Variants in LRRC15 observed in about 807,000 individuals in gnomAD.
LRRC15 encodes the protein leucine rich repeat containing 15.
Under a neutral mutation model 4.3 loss-of-function variants are expected in LRRC15, and 5 were observed. The observed-to-expected ratio is 1.16, with a 90% CI of 0.61 to 2.44. The LOEUF (loss-of-function observed/expected upper bound fraction) is 2.44, where lower values mean the gene tolerates loss of function less well. Ranked by LOEUF, LRRC15 falls within the 30% of genes most tolerant of loss-of-function variation. LRRC15 has a pLI of 0.01. For missense variants in LRRC15, 769 were observed against 747.0 expected (o/e 1.03, Z -0.34); for synonymous variants, 337 against 323.2 (o/e 1.04, Z -0.46).
intron 1 of LRRC15, among the ~76,000 whole-genome samples, chr3:194,362,510 A>G (rs1228917438): frequency 2.6e-5 from 4 of 152,160 alleles, no homozygotes; most frequent in Non-Finnish European, 5.9e-5. Flanking sequence ...CGCAACTTCC[A>G]CCAAAGGTTC....
intron 1 of LRRC15, among the ~76,000 whole-genome samples, chr3:194,366,197 CA>C (rs1227729092): frequency 6.6e-6 from 1 of 152,228 alleles, no homozygotes; most frequent in African/African-American, 2.4e-5. Context: ...CTCCCCATCT[CA>C]CCAAACATCC....
At chr3:194,363,742 A>G (rs1321379601) in intron 1 of LRRC15, among the ~76,000 whole-genome samples, 1 of 152,228 alleles carries the variant, frequency 6.6e-6, no homozygotes, top group Non-Finnish European at 1.5e-5. Flanking sequence ...GACTTCCTAA[A>G]GAATTCTAGA....
At position 194,360,527 on chromosome 3, in the gene LRRC15, C is replaced by T. The variant is rs1160229948; in HGVS notation, c.517G>A (p.Val173Ile). ...CCCAGATTGAGCTTCGTGAGTCCTA[C>T]CAGGTGGTCGAAGGCTCCGTCAGGG... is the stretch of plus-strand genomic sequence containing the variant. ...YIPDGAFDHL[V>I]GLTKLNLGKN... Residue 173 changes from valine to isoleucine, a missense_variant, in exon 2 of 2, where the codon GTA becomes ATA. Val to Ile is a conservative substitution (Grantham distance 29). Transcript: ENST00000347624. The T allele has an allele frequency of 1.2e-6, 2 of 1,613,960 alleles. No individual in the cohort carries two copies. Among genetic ancestry groups the T allele is most frequent in the Non-Finnish European group, 1.7e-6 (2 of 1,180,008 alleles).
rs186567237 is a variant in LRRC15, at chr3:194,368,243, G to T, written c.-4+1418C>A. On this transcript the variant is annotated intron_variant, in intron 1 of 1. Transcript: ENST00000347624. Reference sequence around the variant, plus strand: ...ATGTGTGATCACAGTCTGCTTACTGGCAGGACTGAGTCGGGACAGCTCCTC... The same window carrying T: ...ATGTGTGATCACAGTCTGCTTACTGTCAGGACTGAGTCGGGACAGCTCCTC... Among the ~76,000 whole-genome samples the T allele has an allele frequency of 3.6e-4, 55 of 152,278 alleles. No homozygotes were observed. The East Asian group carries it at 0.01, about 28-fold the overall frequency.
rs1371503926 is a variant in LRRC15, at chr3:194,357,931, C to A, written c.*1367G>T. ...TAGAAGGCTCCAGGCGGAGGGGCCT[C>A]CGATGAGCCGCAGACAGCTTGCTGG... is the stretch of plus-strand genomic sequence containing the variant. On this transcript the variant is annotated 3_prime_UTR_variant, in exon 2 of 2. Transcript: ENST00000347624. The A allele has an allele frequency of 6.6e-6, 1 of 152,262 alleles. No homozygotes were observed. Among genetic ancestry groups the A allele is most frequent in the Non-Finnish European group, 1.5e-5 (1 of 68,046 alleles). 9.4% of individuals were successfully genotyped at this position (152,262 alleles called of 1,614,324 possible).
rs1426335397 is a variant in LRRC15, at chr3:194,355,531, C to T, written c.*3767G>A. ...AACCTGGGGCGGAAGGAGTTTTCCCCGGAAGTGGCTTGCCAGCCCACCCTC... is the reference window on the plus strand; with the variant it reads ...AACCTGGGGCGGAAGGAGTTTTCCCTGGAAGTGGCTTGCCAGCCCACCCTC... On this transcript the variant is annotated 3_prime_UTR_variant, in exon 2 of 2. Coordinates refer to ENST00000347624, the MANE Select transcript of LRRC15 (RefSeq NM_130830.5). The T allele has an allele frequency of 2.0e-5, 3 of 152,388 alleles. No individual in the cohort carries two copies. The highest frequency in any genetic ancestry group is 6.5e-5 in the Admixed American group (1 of 15,308). The allele number at this position is 152,388 out of a possible 1,614,324, so 9.4% of individuals were successfully genotyped here. A position where few individuals can be genotyped will look rare whatever the true frequency, so the allele number is the denominator to read the frequency against.
rs1560043505 is a variant in LRRC15 at position 194,357,868 on chromosome 3, A to G, written c.*1430T>C. On this transcript the variant is annotated 3_prime_UTR_variant, in exon 2 of 2. Coordinates refer to ENST00000347624, the MANE Select transcript of LRRC15 (RefSeq NM_130830.5). ...GCGATTTCACTTCCCCTAAGTGAAG[A>G]ATGAAAATTAAAAACAGATACAGGC... 1 of 152,354 alleles carries G rather than the reference A, an allele frequency of 6.6e-6. No individual in the cohort carries two copies. Among genetic ancestry groups the G allele is most frequent in the Admixed American group, 6.5e-5 (1 of 15,304 alleles). 9.4% of individuals were successfully genotyped at this position (152,354 alleles called of 1,614,324 possible).
chr3:194,366,620 A>G (rs1713786789), intron 1 of LRRC15, among the ~76,000 whole-genome samples: 3 of 151,942 alleles, frequency 2.0e-5, no homozygotes, highest in Admixed American at 2.0e-4. Flanking sequence ...ATCCTGCCAC[A>G]GGCCTGGCCC....
chr3:194,360,064 T>C lies in LRRC15; in HGVS notation c.980A>G (p.Asn327Ser), dbSNP rs1197449447. 5.0e-6 allele frequency: 8 copies of C among 1,614,178 alleles called. No homozygotes were observed. The highest frequency in any genetic ancestry group is 2.2e-5 in the South Asian group (2 of 91,080). Residue 327 changes from asparagine to serine, a missense_variant, in exon 2 of 2, where the codon AAT (asparagine) becomes AGT (serine). Asn to Ser is a conservative substitution (Grantham distance 46). Coordinates refer to ENST00000347624, the MANE Select transcript of LRRC15 (RefSeq NM_130830.5). ...RQLQVLILSR[N>S]QISFISPGAF... ...ACCCGGGGAGATGAAGCTGATCTGA[T>C]TGCGGCTAAGAATCAGGACCTGCAA... is the stretch of plus-strand genomic sequence containing the variant.
chr3:194,366,040 C>T (rs1016105808), intron 1 of LRRC15, among the ~76,000 whole-genome samples: 2 of 152,192 alleles, frequency 1.3e-5, no homozygotes, highest in Non-Finnish European at 2.9e-5. Flanking sequence ...TGAGGGCTCC[C>T]GAGGAAGATG....
At position 194,360,738 on chromosome 3, in the gene LRRC15, C is replaced by A. The variant is rs767031758; in HGVS notation, c.306G>T (p.Ser102=). 4 of 1,614,192 alleles carry A rather than the reference C, an allele frequency of 2.5e-6. No homozygotes were observed. The highest frequency in any genetic ancestry group is 1.1e-5 in the South Asian group (1 of 91,088). The change falls in exon 2 of 2, where the codon TCG becomes TCT. Residue 102 remains serine (S), a synonymous_variant. Coordinates refer to ENST00000347624, the MANE Select transcript of LRRC15 (RefSeq NM_130830.5). ...ITPGAFRNLG[S]LRYLSLANNK... is the part of the protein sequence containing the mutation. ...TGTTGGCGAGGCTGAGATAGCGCAG[C>A]GAGCCCAGGTTTCGGAAGGCCCCAG...
In LRRC15 at chr3:194,358,974, C is replaced by T. The variant is rs556488056; in HGVS notation, c.*324G>A. The T allele has an allele frequency of 1.6e-3, 400 of 245,952 alleles. 9 individuals are homozygous for T. Among genetic ancestry groups the T allele is most frequent in the Non-Finnish European group, 5.2e-4 (66 of 127,626 alleles). The allele number at this position is 245,952 out of a possible 1,614,324, so 15.2% of individuals were successfully genotyped here. ...TACAGAGGCCCGGAGGGGGCCTGGGCGCAGGGAAGGCTGTTCTTGGAGGAC... is the reference window on the plus strand; with the variant it reads ...TACAGAGGCCCGGAGGGGGCCTGGGTGCAGGGAAGGCTGTTCTTGGAGGAC... On this transcript the variant is annotated 3_prime_UTR_variant, in exon 2 of 2. Coordinates refer to ENST00000347624, the MANE Select transcript of LRRC15 (RefSeq NM_130830.5).
At chr3:194,362,066 T>C (rs1304929045) in intron 1 of LRRC15, among the ~76,000 whole-genome samples, 1 of 152,032 alleles carries the variant, frequency 6.6e-6, no homozygotes, top group African/African-American at 2.4e-5. Flanking sequence ...GTTCTGAAAA[T>C]GGAGGCAAGT....
intron 1 of LRRC15, among the ~76,000 whole-genome samples, chr3:194,369,071 G>A (rs1023080894): frequency 4.6e-5 from 7 of 152,224 alleles, no homozygotes; most frequent in African/African-American, 1.2e-4. Flanking sequence ...AATTGGAACT[G>A]CAAACCAGGG....
At position 194,359,456 on chromosome 3, in the gene LRRC15, A is replaced by G; in HGVS notation, c.1588T>C (p.Trp530Arg). 6.2e-7 allele frequency: 1 copy of G among 1,614,214 alleles called. No individual in the cohort carries two copies. The change falls in exon 2 of 2, where the codon TGG becomes CGG. Residue 530 changes from tryptophan to arginine, a missense_variant. Physicochemically the swap from Trp to Arg is moderately radical, Grantham distance 101. Transcript: ENST00000347624. ...TIQVTDDRSVWGMTQAQSGLA... is the reference protein window; with the variant it reads ...TIQVTDDRSVRGMTQAQSGLA... ...CCGCTCTGGGCCTGGGTCATGCCCC[A>G]AACGCTGCGGTCATCAGTGACCTGA...
intron 1 of LRRC15, among the ~76,000 whole-genome samples, chr3:194,368,767 C>T (rs542450400): frequency 6.6e-6 from 1 of 152,296 alleles, no homozygotes; most frequent in African/African-American, 2.4e-5. Flanking sequence ...GGCTCTTGCA[C>T]TTTGGCAGGG....
rs113243841 is a variant in LRRC15 at position 194,359,666 on chromosome 3, G to A, written c.1378C>T (p.Arg460Ter). Residue 460 changes from arginine (R) to a stop codon, truncating the protein, a stop_gained, in exon 2 of 2, where the codon CGA becomes TGA. Transcript: ENST00000347624. LOFTEE classifies it low-confidence loss of function (END_TRUNC). ...TTGATGATAATGAGGGACTGGCCTC[G>A]GACATTGGCTGGGCTGAAACACACA... is the stretch of plus-strand genomic sequence containing the variant. ...VPVCFSPANV[R>*]GQSLIIINVN... 2.9e-5 allele frequency: 47 copies of A among 1,614,018 alleles called. No homozygotes were observed. Among genetic ancestry groups the A allele is most frequent in the Admixed American group, 5.0e-5 (3 of 59,984 alleles).
chr3:194,360,969 G>A lies in LRRC15; in HGVS notation c.75C>T (p.Cys25=), dbSNP rs1343733269. 1 of 1,568,126 alleles carries A rather than the reference G, an allele frequency of 6.4e-7. No individual in the cohort carries two copies. Among genetic ancestry groups the A allele is most frequent in the Admixed American group, 1.8e-5 (1 of 56,962 alleles). The change falls in exon 2 of 2, where the codon TGC becomes TGT. Residue 25 remains cysteine (C), a synonymous_variant. Coordinates refer to ENST00000347624, the MANE Select transcript of LRRC15 (RefSeq NM_130830.5). ...AWGAGLAYHG[C]PSECTCSRAS... is the part of the protein sequence containing the mutation. ...CCCTGGAGCAGGTACACTCGCTAGG[G>A]CAGCCATGGTAGGCCAACCCTGCAC...
rs1713542929 is a variant in LRRC15 at position 194,359,690 on chromosome 3, C to T, written c.1354G>A (p.Val452Met). The change falls in exon 2 of 2, where the codon GTG (valine) becomes ATG (methionine). Residue 452 changes from valine to methionine, a missense_variant. Transcript: ENST00000347624. ...CGGACATTGGCTGGGCTGAAACACA[C>T]AGGTACAGTGTCCGTCCCTAACCTA... ...QPRLGTDTVP[V>M]CFSPANVRGQ... 6.2e-7 allele frequency: 1 copy of T among 1,614,088 alleles called. No individual in the cohort carries two copies.
Sources: allele counts gnomAD v4.1 joint callset (sites outside exome capture counted in the v4.1 genomes callset), GRCh38; gene constraint gnomAD v4.1.1; transcripts MANE v1.5; gene names NCBI Gene and HGNC (gene_info 2026-07-23, HGNC 2026-07-21).